THADA: variants seen among roughly 807,000 people sequenced by gnomAD.
THADA encodes tRNA (32-2'-O)-methyltransferase regulator THADA.
Under a neutral mutation model 219.8 loss-of-function variants are expected in THADA, and 213 were observed. That is an observed-to-expected ratio of 0.97 (90% CI 0.87 to 1.09). THADA has a LOEUF of 1.09. Among genes scored for constraint, THADA ranks in the 50% least tolerant of loss-of-function variants. The probability of loss-of-function intolerance (pLI) is 0.00; values close to 1 mark genes in which losing one functional copy is unlikely to be tolerated. For missense variants in THADA, 2,956 were observed against 2,311.3 expected (o/e 1.28, Z -5.72); for synonymous variants, 1,018 against 828.9 (o/e 1.23, Z -3.92).
At chr2:43,525,669 C>T (rs1311386712) in intron 22 of THADA, among the ~76,000 whole-genome samples, 2 of 152,156 alleles carry the variant, frequency 1.3e-5, no homozygotes, top group African/African-American at 4.8e-5. Context: ...CAGCTGAATG[C>T]CACCAACTGA....
chr2:43,279,430 C>T (rs1673089687), intron 36 of THADA, among the ~76,000 whole-genome samples: 1 of 152,094 alleles, frequency 6.6e-6, no homozygotes, highest in South Asian at 2.1e-4. Context: ...TATTTAAAAC[C>T]GATGACAACG....
intron 22 of THADA, among the ~76,000 whole-genome samples, chr2:43,509,636 C>T (rs929111001): frequency 2.0e-5 from 3 of 152,038 alleles, no homozygotes; most frequent in Admixed American, 2.0e-4. Context: ...CTCTTAGGAA[C>T]ATTGGGATTT....
chr2:43,590,906 TG>T lies in THADA; in HGVS notation c.219del (p.Thr74LeufsTer9). ...EKADKNGMCDPTIQSCLDILA... is the reference protein window; with the variant it reads ...EKADKNGMCDXTIQSCLDILA... The stretch of plus-strand genomic sequence containing the variant: ...AAGATATCCAAACAACTTTGAATAG[TG>T]GGATCACACATGCCATTTTTATCTG... On this transcript the variant is annotated frameshift_variant, in exon 4 of 38. Transcript: ENST00000405975. LOFTEE classifies it high-confidence loss of function. 1 of 1,613,596 alleles carries T rather than the reference TG, an allele frequency of 6.2e-7. No individual in the cohort carries two copies. Among genetic ancestry groups the T allele is most frequent in the Non-Finnish European group, 8.5e-7 (1 of 1,179,548 alleles).
intron 26 of THADA, among the ~76,000 whole-genome samples, chr2:43,431,643 T>A (rs963337422): frequency 1.2e-4 from 2 of 16,552 alleles, no homozygotes; most frequent in Non-Finnish European, 2.3e-4. Flanking sequence ...TTTTTTGTAC[T>A]TTTTTTTTTT....
chr2:43,530,425 T>C (rs1366773360), intron 21 of THADA, among the ~76,000 whole-genome samples: 1 of 152,168 alleles, frequency 6.6e-6, no homozygotes, highest in Non-Finnish European at 1.5e-5. Flanking sequence ...AAGTAACTCA[T>C]GATAGCCAGC....
At chr2:43,533,741 T>C (rs114563746) in intron 21 of THADA, among the ~76,000 whole-genome samples, 3 of 151,978 alleles carry the variant, frequency 2.0e-5, no homozygotes, top group African/African-American at 7.3e-5. Context: ...GGCCTGTCGT[T>C]GGGTGGAGGG....
At chr2:43,478,850 A>G (rs886661178) in intron 26 of THADA, among the ~76,000 whole-genome samples, 1 of 152,218 alleles carries the variant, frequency 6.6e-6, no homozygotes, top group African/African-American at 2.4e-5. Flanking sequence ...CCTGTAATCT[A>G]TGAACCTAAG....
chr2:43,566,560 A>G (rs976054628), intron 15 of THADA, 138 bp downstream of exon 15: 1 of 959,676 alleles, frequency 1.0e-6, no homozygotes, highest in Non-Finnish European at 1.7e-6. Context: ...TTCATTATGT[A>G]CAAGCAAGAA....
intron 31 of THADA, among the ~76,000 whole-genome samples, chr2:43,302,844 G>A (rs1040096271): frequency 1.3e-5 from 2 of 152,092 alleles, no homozygotes; most frequent in East Asian, 1.9e-4. Context: ...TTGAGCCCAG[G>A]AGTTTGAAGC....
At chr2:43,279,243 C>T (rs1673069830) in intron 36 of THADA, among the ~76,000 whole-genome samples, 1 of 152,168 alleles carries the variant, frequency 6.6e-6, no homozygotes, top group Non-Finnish European at 1.5e-5. Flanking sequence ...CTTTCCACTC[C>T]CCTCCTCCCT....
chr2:43,250,353 G>C (rs137927065), intron 36 of THADA, among the ~76,000 whole-genome samples: 2 of 152,162 alleles, frequency 1.3e-5, no homozygotes, highest in Non-Finnish European at 2.9e-5. Context: ...AATAGGAAAA[G>C]TCACGGAGAC....
chr2:43,593,769 G>A (rs774737959), intron 1 of THADA, among the ~76,000 whole-genome samples: 32 of 151,992 alleles, frequency 2.1e-4, no homozygotes, highest in Non-Finnish European at 3.7e-4. Flanking sequence ...GAGTAGCTGG[G>A]ACTACAGGCG....
At chr2:43,528,198 T>G (rs986193401) in intron 21 of THADA, among the ~76,000 whole-genome samples, 1 of 143,942 alleles carries the variant, frequency 6.9e-6, no homozygotes, top group African/African-American at 2.6e-5. Context: ...TGGCACAGTC[T>G]CAGCTCACTG....
At chr2:43,455,336 C>G (rs140621755) in intron 26 of THADA, among the ~76,000 whole-genome samples, 217 of 152,230 alleles carry the variant, frequency 1.4e-3, no homozygotes, top group African/African-American at 5.0e-3. Context: ...CATCTGTTCC[C>G]TATATTACAG....
intron 36 of THADA, among the ~76,000 whole-genome samples, chr2:43,272,725 A>G (rs1256778145): frequency 6.6e-6 from 1 of 151,166 alleles, no homozygotes; most frequent in Admixed American, 6.6e-5. Flanking sequence ...TCTGGGCTCA[A>G]GTGATCCTCC....
intron 20 of THADA, among the ~76,000 whole-genome samples, chr2:43,542,800 G>A (rs192595549): frequency 1.3e-5 from 2 of 152,306 alleles, no homozygotes; most frequent in Non-Finnish European, 2.9e-5. Flanking sequence ...AAGGCTTTCT[G>A]TTCTAACAGC....
chr2:43,244,302 G>C (rs539962211), intron 36 of THADA, among the ~76,000 whole-genome samples: 1 of 152,314 alleles, frequency 6.6e-6, no homozygotes, highest in South Asian at 2.1e-4. Flanking sequence ...AAAAATACTT[G>C]CATTTGTTCA....
chr2:43,455,098 T>A (rs181700731), intron 26 of THADA, among the ~76,000 whole-genome samples: 1 of 152,182 alleles, frequency 6.6e-6, no homozygotes, highest in Non-Finnish European at 1.5e-5. Flanking sequence ...CTTCTGTAAG[T>A]TGAATGTTCA....
chr2:43,570,329 T>C (rs1232705187), intron 14 of THADA, 59 bp downstream of exon 14: 52 of 1,474,204 alleles, frequency 3.5e-5, no homozygotes, highest in Non-Finnish European at 3.2e-5. Context: ...CTTTAATGCT[T>C]ATTCATAATA....
Sources: gnomAD v4.1 joint callset for allele counts (sites outside exome capture counted in the v4.1 genomes callset) on GRCh38, gnomAD v4.1.1 for gene constraint, MANE v1.5 for transcripts, NCBI Gene and HGNC (gene_info 2026-07-23, HGNC 2026-07-21) for gene names.